CA5A: variants seen among roughly 807,000 people sequenced by gnomAD.
The protein encoded by CA5A is carbonic anhydrase 5A.
Under a neutral mutation model 37.1 loss-of-function variants are expected in CA5A, and 28 were observed. That is an observed-to-expected ratio of 0.75 (90% confidence interval 0.56 to 1.03). The LOEUF (loss-of-function observed/expected upper bound fraction) is 1.03, where lower values mean the gene tolerates loss of function less well. CA5A is among the 50% of genes least tolerant of loss of function. The probability of loss-of-function intolerance (pLI) is 0.00; values close to 1 mark genes in which losing one functional copy is unlikely to be tolerated. For synonymous variants in CA5A, 171 were observed against 158.4 expected (o/e 1.08, Z -0.60); for missense variants, 444 against 399.9 (o/e 1.11, Z -0.94).
intron 1 of CA5A, among the ~76,000 whole-genome samples, chr16:87,931,491 C>G (rs553735908): frequency 7.2e-4 from 109 of 152,182 alleles, no homozygotes; most frequent in Non-Finnish European, 2.1e-4. Context: ...GCGGCTCTCC[C>G]CACTCACTCT....
At chr16:87,891,654 T>C (rs11859896) in intron 6 of CA5A, 145 bp downstream of exon 6, 224,403 of 753,428 alleles carry the variant, frequency 0.3, 35,894 homozygotes, top group African/African-American at 0.53. Flanking sequence ...TCAGTTGGAA[T>C]TTTCTTCTTG....
chr16:87,929,884 A>AAG (rs2056377462), intron 1 of CA5A, among the ~76,000 whole-genome samples: 1 of 151,502 alleles, frequency 6.6e-6, no homozygotes, highest in Non-Finnish European at 1.5e-5. Context: ...AAAAAAAAAA[A>AAG]AAAAAAAAAA....
chr16:87,930,487 T>C (rs1026894649), intron 1 of CA5A, among the ~76,000 whole-genome samples: 2 of 152,158 alleles, frequency 1.3e-5, no homozygotes, highest in African/African-American at 4.8e-5. Flanking sequence ...CAGTGGAACC[T>C]GAGGCCTGAA....
At chr16:87,929,468 A>G (rs1388603794) in intron 1 of CA5A, among the ~76,000 whole-genome samples, 1 of 151,656 alleles carries the variant, frequency 6.6e-6, no homozygotes, top group Non-Finnish European at 1.5e-5. Flanking sequence ...AAAAAAAAAA[A>G]AAGATATATA....
intron 3 of CA5A, among the ~76,000 whole-genome samples, chr16:87,903,087 G>C (rs1185327256): frequency 6.6e-6 from 1 of 151,968 alleles, no homozygotes; most frequent in Non-Finnish European, 1.5e-5. Flanking sequence ...GAAATGGGTG[G>C]TTTCATTATT....
At chr16:87,910,524 C>T (rs754986720) in intron 2 of CA5A, among the ~76,000 whole-genome samples, 1 of 152,096 alleles carries the variant, frequency 6.6e-6, no homozygotes, top group Non-Finnish European at 1.5e-5. Context: ...ACTTGCCTTG[C>T]CAGTAAAGTT....
Position 87,888,192 on chromosome 16 carries a change from T to G in CA5A, c.855A>C (p.Gln285His). The G allele has an allele frequency of 6.2e-7, 1 of 1,613,890 alleles. No individual in the cohort carries two copies. Among genetic ancestry groups the G allele is most frequent in the African/African-American group, 1.3e-5 (1 of 75,012 alleles). The stretch of plus-strand genomic sequence containing the variant: ...CCCAGACCTTCCGGTTCATCAAGGG[T>G]TGAAGTGGGCGATAGTTGTTCACCA... Reference protein sequence around the residue: ...KMMVNNYRPLQPLMNRKVWAS... With the variant: ...KMMVNNYRPLHPLMNRKVWAS... Residue 285 changes from glutamine to histidine, a missense_variant, in exon 7 of 7, where the codon CAA (glutamine) becomes CAC (histidine). Transcript: ENST00000649794.
intron 5 of CA5A, among the ~76,000 whole-genome samples, chr16:87,896,841 T>C (rs1053673965): frequency 3.9e-5 from 6 of 152,228 alleles, no homozygotes; most frequent in Non-Finnish European, 7.3e-5. Context: ...GGTTTCTCTA[T>C]GTTGGTCAGG....
chr16:87,935,379 GT>G (rs1247165441), intron 1 of CA5A, among the ~76,000 whole-genome samples: 1 of 152,192 alleles, frequency 6.6e-6, no homozygotes, highest in African/African-American at 2.4e-5. Flanking sequence ...TTTGTTACAG[GT>G]TTGCTTGAAA....
chr16:87,914,851 G>C (rs576946475), intron 2 of CA5A, among the ~76,000 whole-genome samples: 2 of 152,218 alleles, frequency 1.3e-5, no homozygotes, highest in South Asian at 4.1e-4. Flanking sequence ...CCCCTCGTCA[G>C]GGGAGGGGAT....
In CA5A at chr16:87,911,230, C is replaced by T. The variant is rs1452036330; in HGVS notation, c.341-6326G>A. ...GCAGCACTGGCCACTGTTGCCTCAG[C>T]GTTCTGTGTAAGCAGGTGCGTCAGA... On this transcript the variant is annotated intron_variant, in intron 2 of 6. Coordinates refer to ENST00000649794, the MANE Select transcript of CA5A (RefSeq NM_001739.2). This position sits in a 1 kb window ranked among gnomAD's most constrained non-coding sequence, Gnocchi z 4.6. 6.6e-6 allele frequency among the ~76,000 whole-genome samples: 1 copy of T among 152,108 alleles called. No individual in the cohort carries two copies.
At chr16:87,892,948 A>C (rs1454742001) in intron 5 of CA5A, 12 of 874,522 alleles carry the variant, frequency 1.4e-5, no homozygotes, top group Non-Finnish European at 2.2e-5. Context: ...TGCCCGGCCT[A>C]TGGGCTCCTT....
chr16:87,914,704 G>C lies in CA5A; in HGVS notation c.341-9800C>G, dbSNP rs550390012. 5.6e-4 allele frequency among the ~76,000 whole-genome samples: 86 copies of C among 152,238 alleles called. 1 individual carries two copies. The highest frequency in any genetic ancestry group is 4.6e-3 in the Admixed American group (70 of 15,298). On this transcript the variant is annotated intron_variant, in intron 2 of 6. Coordinates refer to ENST00000649794, the MANE Select transcript of CA5A (RefSeq NM_001739.2). ...CCACGGAGAGCAGGAGGGAGGACGT[G>C]GGGGCGGGCGCAGGGCGGGAGCACC...
chr16:87,909,347 G>C (rs1397196583), intron 2 of CA5A, among the ~76,000 whole-genome samples: 4 of 152,172 alleles, frequency 2.6e-5, no homozygotes, highest in African/African-American at 4.8e-5. Flanking sequence ...CCCTGGGCTG[G>C]GGACCAAGCA....
intron 2 of CA5A, among the ~76,000 whole-genome samples, chr16:87,922,147 AAC>A (rs775951644): frequency 2.7e-4 from 41 of 152,102 alleles, no homozygotes; most frequent in Admixed American, 2.6e-3. Flanking sequence ...TCTGTGCTCT[AAC>A]ACACTCTCCA....
At chr16:87,902,913 C>CAAAA (rs111457269) in intron 3 of CA5A, among the ~76,000 whole-genome samples, 2 of 113,706 alleles carry the variant, frequency 1.8e-5, no homozygotes. Flanking sequence ...CTCCATCTCA[C>CAAAA]AAAAAAAAAA....
chr16:87,906,883 A>G (rs148331679), intron 2 of CA5A, among the ~76,000 whole-genome samples: 2,121 of 152,306 alleles, frequency 0.014, 19 homozygotes, highest in Non-Finnish European at 0.021. Context: ...CAATTTTTAA[A>G]AATACACAGA....
intron 1 of CA5A, among the ~76,000 whole-genome samples, chr16:87,929,729 G>C (rs565300663): frequency 1.3e-5 from 2 of 150,772 alleles, no homozygotes; most frequent in African/African-American, 4.9e-5. Flanking sequence ...AAAATTAGCC[G>C]GGCGTGGTGG....
At chr16:87,914,947 A>G (rs1431067119) in intron 2 of CA5A, among the ~76,000 whole-genome samples, 2 of 152,212 alleles carry the variant, frequency 1.3e-5, no homozygotes, top group Non-Finnish European at 2.9e-5. Context: ...GTTAATCCAC[A>G]GAGGAGCTAA....
Sources: allele counts gnomAD v4.1 joint callset (sites outside exome capture counted in the v4.1 genomes callset), GRCh38; gene constraint gnomAD v4.1.1; non-coding constraint Gnocchi (gnomAD v3.1); transcripts MANE v1.5; gene names NCBI Gene and HGNC (gene_info 2026-07-23, HGNC 2026-07-21).